Variants in DIP2B observed in about 807,000 individuals in gnomAD.
The protein encoded by DIP2B is DIP2 acetate--CoA ligase B (putative), also known as disco-interacting protein 2 homolog B.
In DIP2B, 76 loss-of-function variants were observed where a neutral mutation model predicts 198.0. The ratio of observed to expected loss-of-function variants is 0.38; its 90% CI spans 0.32 to 0.46. The LOEUF (loss-of-function observed/expected upper bound fraction) is 0.46. Among genes scored for constraint, DIP2B ranks in the 20% least tolerant of loss-of-function variants. The pLI is 0.99. For synonymous variants in DIP2B, 701 were observed against 739.1 expected (o/e 0.95, Z 0.84); for missense variants, 1,559 against 1,978.4 (o/e 0.79, Z 4.02).
chr12:50,597,767 T>C (rs1958891148), intron 1 of DIP2B, among the ~76,000 whole-genome samples: 1 of 152,216 alleles, frequency 6.6e-6, no homozygotes, highest in African/African-American at 2.4e-5. Context: ...GCTTTAATAG[T>C]ATTTTAGAGC....
At chr12:50,620,569 G>A (rs528997631) in intron 1 of DIP2B, among the ~76,000 whole-genome samples, 1 of 152,258 alleles carries the variant, frequency 6.6e-6, no homozygotes, top group African/African-American at 2.4e-5. Flanking sequence ...GCCAAGCGCT[G>A]CAGGCACCTG....
chr12:50,628,724 C>G (rs1404726121), intron 2 of DIP2B, among the ~76,000 whole-genome samples: 1 of 152,188 alleles, frequency 6.6e-6, no homozygotes, highest in Admixed American at 6.5e-5. Context: ...TCAAACTGCT[C>G]AGAACTGTCT....
chr12:50,706,075 C>T lies in DIP2B; in HGVS notation c.2407-463C>T, dbSNP rs892730349. ...TTTATTAGCCTATTTCTAATACTGC[C>T]GGATGGAAACAGCATTACCCTTACC... On this transcript the variant is annotated intron_variant, in intron 20 of 37. Transcript: ENST00000301180. Among the ~76,000 whole-genome samples the T allele has an allele frequency of 1.4e-4, 22 of 152,078 alleles. 1 individual carries two copies. Among genetic ancestry groups the T allele is most frequent in the Admixed American group, 1.2e-3 (18 of 15,264 alleles).
chr12:50,566,461 T>G (rs957254547), intron 1 of DIP2B, among the ~76,000 whole-genome samples: 2 of 152,234 alleles, frequency 1.3e-5, no homozygotes, highest in Non-Finnish European at 2.9e-5. Context: ...TGTGTCTTTT[T>G]TTGTTTGAGA....
chr12:50,634,008 C>T (rs1472272990), intron 2 of DIP2B, among the ~76,000 whole-genome samples: 3 of 152,198 alleles, frequency 2.0e-5, no homozygotes, highest in East Asian at 1.9e-4. Context: ...GTCCTCAAAA[C>T]GCTCCGACTT....
At chr12:50,640,048 G>A (rs1938227289) in intron 2 of DIP2B, among the ~76,000 whole-genome samples, 2 of 151,866 alleles carry the variant, frequency 1.3e-5, no homozygotes. Flanking sequence ...TAATACTACT[G>A]TATTTTACAC....
At chr12:50,734,981 T>TA in intron 33 of DIP2B, 92 bp from the exon 34 acceptor site, 1 of 1,448,094 alleles carries the variant, frequency 6.9e-7, no homozygotes, top group Non-Finnish European at 9.7e-7. Flanking sequence ...AGAGACAAGT[T>TA]AGAGGTTGTG....
chr12:50,581,675 A>T (rs1958725431), intron 1 of DIP2B, among the ~76,000 whole-genome samples: 2 of 134,458 alleles, frequency 1.5e-5, no homozygotes. Context: ...CTTGTGGTGT[A>T]CGTTATCGTG....
At chr12:50,527,900 T>G (rs1248381779) in intron 1 of DIP2B, among the ~76,000 whole-genome samples, 1 of 151,982 alleles carries the variant, frequency 6.6e-6, no homozygotes, top group Non-Finnish European at 1.5e-5. Context: ...TGGAAAAAAG[T>G]GCTTTTCATT....
intron 1 of DIP2B, among the ~76,000 whole-genome samples, chr12:50,520,035 CTTTTT>C (rs35179881): frequency 1.3e-3 from 132 of 100,598 alleles, no homozygotes; most frequent in Admixed American, 2.5e-3. Context: ...ATTGAATCTC[CTTTTT>C]TTTTTTTTTT....
At chr12:50,605,636 A>G (rs1260426312) in intron 1 of DIP2B, among the ~76,000 whole-genome samples, 1 of 152,146 alleles carries the variant, frequency 6.6e-6, no homozygotes, top group Non-Finnish European at 1.5e-5. Context: ...GCAAACCTGA[A>G]TCTATTTCTT....
Position 50,650,134 on chromosome 12 carries a change from C to T in DIP2B, c.301+9282C>T, listed in dbSNP as rs556719738. ...CTGAGGCAGGAGAATCGCTTGAACC[C>T]GGGAGGCGGAGGTTGCAGTGAGCCA... On this transcript the variant is annotated intron_variant, in intron 3 of 37. Transcript: ENST00000301180. Among the ~76,000 whole-genome samples, 9 of 151,870 alleles carry T rather than the reference C, an allele frequency of 5.9e-5. No homozygotes were observed. In the East Asian group the frequency reaches 1.2e-3, roughly 20 times the overall value.
intron 7 of DIP2B, among the ~76,000 whole-genome samples, chr12:50,677,197 A>C (rs1055291757): frequency 6.6e-6 from 1 of 152,082 alleles, no homozygotes; most frequent in South Asian, 2.1e-4. Flanking sequence ...CCAGGTGGAG[A>C]CGTGCCCCAC....
At chr12:50,681,986 AT>A (rs1939048478) in intron 9 of DIP2B, among the ~76,000 whole-genome samples, 1 of 152,252 alleles carries the variant, frequency 6.6e-6, no homozygotes, top group African/African-American at 2.4e-5. Context: ...AGTTAACAGA[AT>A]TTGAAAGCAA....
chr12:50,676,472 T>G (rs974512202), intron 7 of DIP2B, among the ~76,000 whole-genome samples: 22 of 152,342 alleles, frequency 1.4e-4, no homozygotes, highest in Admixed American at 1.2e-3. Context: ...ATGGTGGACG[T>G]CTTTCATGAT....
chr12:50,540,109 C>CCT (rs1958309134), intron 1 of DIP2B, among the ~76,000 whole-genome samples: 1 of 32,572 alleles, frequency 3.1e-5, no homozygotes, highest in African/African-American at 1.0e-4. Context: ...TAGCTATGAA[C>CCT]ATTTTTTTTT....
intron 7 of DIP2B, among the ~76,000 whole-genome samples, chr12:50,675,947 T>G (rs1412531470): frequency 6.6e-6 from 1 of 152,204 alleles, no homozygotes; most frequent in Non-Finnish European, 1.5e-5. Context: ...TGTTTACAAT[T>G]TAGACGGGTG....
chr12:50,720,486 C>T (rs372249834), intron 25 of DIP2B, among the ~76,000 whole-genome samples: 2 of 151,358 alleles, frequency 1.3e-5, no homozygotes, highest in South Asian at 4.2e-4. Flanking sequence ...ATATGTTGTG[C>T]ATCTTATTGA....
In DIP2B at chr12:50,698,344, G is replaced by A. The variant is rs775762047; in HGVS notation, c.2065G>A (p.Ala689Thr). 6.2e-7 allele frequency: 1 copy of A among 1,613,028 alleles called. No homozygotes were observed. The highest frequency in any genetic ancestry group is 8.5e-7 in the Non-Finnish European group (1 of 1,179,482). The change falls in exon 18 of 38, where the codon GCC (alanine) becomes ACC (threonine). Residue 689 changes from alanine (A) to threonine (T), a missense_variant. Ala to Thr is a moderately conservative substitution (Grantham distance 58). Coordinates refer to ENST00000301180, the MANE Select transcript of DIP2B (RefSeq NM_173602.3). ...VAIRRPGVPG[A>T]PLPGRAILSM... ...TCTTTTCAGGCCTGGAGTTCCAGGA[G>A]CCCCTTTGCCAGGAAGAGCCATTCT... is the stretch of plus-strand genomic sequence containing the variant.
Sources: gnomAD v4.1 joint callset for allele counts (sites outside exome capture counted in the v4.1 genomes callset) on GRCh38, gnomAD v4.1.1 for gene constraint, MANE v1.5 for transcripts, NCBI Gene and HGNC (gene_info 2026-07-23, HGNC 2026-07-21) for gene names.